Variants in CTNNA1 observed in about 807,000 individuals in gnomAD.
CTNNA1 encodes catenin alpha-1.
Under a neutral mutation model 98.4 loss-of-function variants are expected in CTNNA1, and 37 were observed. The observed-to-expected ratio is 0.38, with a 90% CI of 0.29 to 0.49. CTNNA1 has a LOEUF of 0.49. Ranked by LOEUF, CTNNA1 falls within the 20% of genes least tolerant of loss-of-function variation. The pLI is 0.95. For missense variants in CTNNA1, 761 were observed against 1,147.2 expected (o/e 0.66, Z 4.86); for synonymous variants, 404 against 413.2 (o/e 0.98, Z 0.27).
chr5:138,900,715 A>T (rs1428126369), intron 9 of CTNNA1, among the ~76,000 whole-genome samples: 1 of 152,214 alleles, frequency 6.6e-6, no homozygotes, highest in African/African-American at 2.4e-5. Context: ...GTTGTCTGTC[A>T]TGTACAGATG....
At chr5:138,809,593 G>A (rs893825121) in intron 3 of CTNNA1, among the ~76,000 whole-genome samples, 3 of 152,210 alleles carry the variant, frequency 2.0e-5, no homozygotes, top group African/African-American at 7.2e-5. Flanking sequence ...TACACATCAT[G>A]TAGTTGGGAT....
intron 9 of CTNNA1, among the ~76,000 whole-genome samples, chr5:138,899,849 A>C (rs1757648779): frequency 6.6e-6 from 1 of 152,254 alleles, no homozygotes; most frequent in Non-Finnish European, 1.5e-5. Context: ...TCTGTATACC[A>C]TAAAATTAAC....
chr5:138,883,205 C>A (rs1753322421), intron 7 of CTNNA1, among the ~76,000 whole-genome samples: 1 of 152,150 alleles, frequency 6.6e-6, no homozygotes. Context: ...ATACTTTCCT[C>A]AAGCTCAGTG....
At chr5:138,864,740 C>A (rs983758978) in intron 7 of CTNNA1, among the ~76,000 whole-genome samples, 3 of 152,184 alleles carry the variant, frequency 2.0e-5, no homozygotes, top group Non-Finnish European at 1.5e-5. Flanking sequence ...TCATGCACAA[C>A]CAGAGATGTT....
At chr5:138,885,820 G>A (rs908897487) in intron 7 of CTNNA1, among the ~76,000 whole-genome samples, 1 of 152,130 alleles carries the variant, frequency 6.6e-6, no homozygotes, top group Non-Finnish European at 1.5e-5. Flanking sequence ...TCAGATCTCA[G>A]AGTTCATCAA....
intron 7 of CTNNA1, among the ~76,000 whole-genome samples, chr5:138,842,107 C>T (rs182394788): frequency 1.9e-4 from 29 of 152,070 alleles, no homozygotes; most frequent in African/African-American, 5.8e-4. Flanking sequence ...TTATACCGGC[C>T]GGGGCAACAT....
intron 11 of CTNNA1, among the ~76,000 whole-genome samples, chr5:138,924,100 G>A (rs1035495207): frequency 5.3e-5 from 8 of 152,318 alleles, no homozygotes; most frequent in Non-Finnish European, 1.0e-4. Context: ...GAGAGGGAGA[G>A]GGGACAGTGG....
Position 138,873,441 on chromosome 5 carries a change from A to G in CTNNA1, c.1063-12771A>G. The G allele has an allele frequency of 6.2e-7, 1 of 1,613,982 alleles. No individual in the cohort carries two copies. Among genetic ancestry groups the G allele is most frequent in the Non-Finnish European group, 8.5e-7 (1 of 1,179,884 alleles). ...GTATATTCAGTGGTTGGATCTCTAT[A>G]AGTTGTAGCCATGACAGTGACAGTG... On this transcript the variant is annotated intron_variant, in intron 7 of 17. Transcript: ENST00000302763. The surrounding 1 kb of genome is among the most constrained non-coding windows in gnomAD (Gnocchi z 6.1).
chr5:138,865,655 T>G (rs978645310), intron 7 of CTNNA1, among the ~76,000 whole-genome samples: 4 of 152,232 alleles, frequency 2.6e-5, no homozygotes, highest in African/African-American at 9.6e-5. Flanking sequence ...CTAACCCCTT[T>G]TTGTAATTTA....
chr5:138,753,431 C>T lies in CTNNA1; in HGVS notation c.-82C>T, dbSNP rs1285575559. ...GCGTGGGGCGGCCCATTTCCTCCTC[C>T]TAGCCGGACTGGAGGGAGACAAAGC... On this transcript the variant is annotated 5_prime_UTR_variant, in exon 1 of 18. Coordinates refer to ENST00000302763, the MANE Select transcript of CTNNA1 (RefSeq NM_001903.5). 1.4e-4 allele frequency: 53 copies of T among 372,232 alleles called. No individual in the cohort carries two copies. The highest frequency in any genetic ancestry group is 2.3e-4 in the Non-Finnish European group (48 of 209,244). 23.1% of individuals were successfully genotyped at this position (372,232 alleles called of 1,614,324 possible). A position where few individuals can be genotyped will look rare whatever the true frequency, so the allele number is the denominator to read the frequency against.
At chr5:138,800,686 C>T (rs1036975306) in intron 3 of CTNNA1, among the ~76,000 whole-genome samples, 5 of 151,926 alleles carry the variant, frequency 3.3e-5, no homozygotes, top group South Asian at 2.1e-4. Flanking sequence ...GCCTGTAATC[C>T]GAGCTATTCG....
intron 1 of CTNNA1, among the ~76,000 whole-genome samples, chr5:138,766,165 A>G (rs1244019337): frequency 2.6e-5 from 4 of 152,262 alleles, no homozygotes; most frequent in African/African-American, 4.8e-5. Flanking sequence ...TAATAGTGCT[A>G]TGTGACAAGT....
chr5:138,759,759 A>G (rs2149574222), intron 1 of CTNNA1, among the ~76,000 whole-genome samples: 1 of 152,284 alleles, frequency 6.6e-6, no homozygotes, highest in Non-Finnish European at 1.5e-5. Context: ...GCTGGGGGCT[A>G]GGGAATGGGG....
intron 5 of CTNNA1, among the ~76,000 whole-genome samples, chr5:138,822,390 G>A (rs907005293): frequency 4.6e-5 from 7 of 152,186 alleles, no homozygotes; most frequent in African/African-American, 1.4e-4. Context: ...TGAGATGACC[G>A]TAAGTGTCTT....
chr5:138,829,513 G>GA (rs973883223), intron 7 of CTNNA1, among the ~76,000 whole-genome samples: 1 of 152,148 alleles, frequency 6.6e-6, no homozygotes, highest in Non-Finnish European at 1.5e-5. Flanking sequence ...CAGTCTATAA[G>GA]ATATCCCTTG....
chr5:138,934,425 G>C lies in CTNNA1; in HGVS notation c.*336G>C, dbSNP rs781235344. 5.5e-5 allele frequency: 14 copies of C among 255,626 alleles called. No homozygotes were observed. Among genetic ancestry groups the C allele is most frequent in the Non-Finnish European group, 8.2e-5 (11 of 134,230 alleles). 15.8% of individuals were successfully genotyped at this position (255,626 alleles called of 1,614,324 possible). On this transcript the variant is annotated 3_prime_UTR_variant, in exon 18 of 18. Coordinates refer to ENST00000302763, the MANE Select transcript of CTNNA1 (RefSeq NM_001903.5). Reference sequence around the variant, plus strand: ...GTGATGGCGGCGTTAGGGTTTGAGAGAAGGGAATTTGGCTCAACTTCAGTT... The same window carrying C: ...GTGATGGCGGCGTTAGGGTTTGAGACAAGGGAATTTGGCTCAACTTCAGTT...
intron 1 of CTNNA1, among the ~76,000 whole-genome samples, chr5:138,777,168 A>G (rs1754391216): frequency 1.3e-5 from 2 of 149,986 alleles, no homozygotes; most frequent in East Asian, 2.0e-4. Flanking sequence ...GACGCTCCTC[A>G]CCTCCCAGAC....
intron 1 of CTNNA1, among the ~76,000 whole-genome samples, chr5:138,770,310 TC>T (rs1753398317): frequency 6.6e-6 from 1 of 152,198 alleles, no homozygotes; most frequent in African/African-American, 2.4e-5. Context: ...AACAGGGACT[TC>T]CTCTGTATCC....
intron 9 of CTNNA1, among the ~76,000 whole-genome samples, chr5:138,896,137 CTA>C (rs760278906): frequency 3.3e-5 from 5 of 152,188 alleles, no homozygotes; most frequent in African/African-American, 4.8e-5. Context: ...CACATATTGA[CTA>C]TTGAGGTTTT....
Sources: gnomAD v4.1 joint callset for allele counts (sites outside exome capture counted in the v4.1 genomes callset) on GRCh38, gnomAD v4.1.1 for gene constraint, Gnocchi (gnomAD v3.1) non-coding constraint, MANE v1.5 for transcripts, NCBI Gene and HGNC (gene_info 2026-07-23, HGNC 2026-07-21) for gene names.